Variants in LANCL2 observed in about 807,000 individuals in gnomAD.
The protein encoded by LANCL2 is lanC-like protein 2.
A neutral mutation model predicts 56.9 loss-of-function variants in LANCL2; 33 were observed. The observed-to-expected ratio is 0.58, with a 90% CI of 0.44 to 0.78. The LOEUF is 0.78. Among genes scored for constraint, LANCL2 ranks in the 30% least tolerant of loss-of-function variants. LANCL2 has a pLI of 0.00. For missense variants in LANCL2, 562 were observed against 580.2 expected (o/e 0.97, Z 0.32); for synonymous variants, 233 against 228.2 (o/e 1.02, Z -0.19).
intron 2 of LANCL2, among the ~76,000 whole-genome samples, chr7:55,395,407 A>G (rs1447763239): frequency 2.6e-5 from 4 of 152,170 alleles, no homozygotes; most frequent in African/African-American, 9.6e-5. Context: ...AGACAGTAAG[A>G]GCATGTGAAA....
In LANCL2 at chr7:55,386,192, G is replaced by A. The variant is rs140607085; in HGVS notation, c.205-5601G>A. 5.8e-3 allele frequency among the ~76,000 whole-genome samples: 877 copies of A among 152,098 alleles called. 5 individuals are homozygous for A. Among genetic ancestry groups the A allele is most frequent in the African/African-American group, 0.018 (763 of 41,476 alleles). On this transcript the variant is annotated intron_variant, in intron 1 of 8. Coordinates refer to ENST00000254770, the MANE Select transcript of LANCL2 (RefSeq NM_018697.4). ...TCCTGAGATGATATACATCCTTCTC[G>A]GCTGACAGGATTAAGAGATTAAAGC...
In LANCL2 at chr7:55,432,608, C is replaced by G. The variant is rs1359650612; in HGVS notation, c.*1288C>G. The G allele has an allele frequency of 1.4e-4, 22 of 152,298 alleles. No homozygotes were observed. In the East Asian group the frequency reaches 4.3e-3, roughly 29 times the overall value. The allele number at this position is 152,298 out of a possible 1,614,324, so 9.4% of individuals were successfully genotyped here. On this transcript the variant is annotated 3_prime_UTR_variant, in exon 9 of 9. Coordinates refer to ENST00000254770, the MANE Select transcript of LANCL2 (RefSeq NM_018697.4). ...AGACAAGAGGCCTCTCTTAACAGCC[C>G]AGTCCTTGTCTGCAGGGGGAGGCCT...
intron 5 of LANCL2, among the ~76,000 whole-genome samples, chr7:55,410,155 C>T (rs900517678): frequency 6.6e-6 from 1 of 152,204 alleles, no homozygotes; most frequent in Non-Finnish European, 1.5e-5. Context: ...AAAAGGAACT[C>T]AGTTGTGTCC....
chr7:55,424,451 T>C (rs1444481322), intron 6 of LANCL2, among the ~76,000 whole-genome samples: 1 of 152,196 alleles, frequency 6.6e-6, no homozygotes, highest in Non-Finnish European at 1.5e-5. Context: ...TGATGTGTAC[T>C]GATCAGTGTA....
At chr7:55,385,962 T>A (rs940977996) in intron 1 of LANCL2, among the ~76,000 whole-genome samples, 7 of 152,220 alleles carry the variant, frequency 4.6e-5, no homozygotes, top group African/African-American at 1.7e-4. Flanking sequence ...GAAAAAGAAT[T>A]CAGCGATATT....
chr7:55,417,633 G>A (rs924268751), intron 6 of LANCL2, among the ~76,000 whole-genome samples: 5 of 152,158 alleles, frequency 3.3e-5, no homozygotes, highest in African/African-American at 9.7e-5. Flanking sequence ...GGAGTTATGA[G>A]TCAGAGTGCA....
At chr7:55,403,664 C>T (rs1790370935) in intron 5 of LANCL2, among the ~76,000 whole-genome samples, 1 of 147,016 alleles carries the variant, frequency 6.8e-6, no homozygotes, top group Non-Finnish European at 1.5e-5. Flanking sequence ...CTCCACCTCC[C>T]AGGTTCCGGT....
rs1339350351 is a variant in LANCL2, at chr7:55,404,518, G to A, written c.825+3198G>A. On this transcript the variant is annotated intron_variant, in intron 5 of 8. Coordinates refer to ENST00000254770, the MANE Select transcript of LANCL2 (RefSeq NM_018697.4). ...AAACCAGGAAATTCATACCTACACAGGATTAAAACTTTTTCTAGTTATTGT... is the reference window on the plus strand; with the variant it reads ...AAACCAGGAAATTCATACCTACACAAGATTAAAACTTTTTCTAGTTATTGT... Among the ~76,000 whole-genome samples, 8 of 152,176 alleles carry A rather than the reference G, an allele frequency of 5.3e-5. No homozygotes were observed. In the South Asian group the frequency reaches 1.5e-3, roughly 28 times the overall value.
intron 1 of LANCL2, among the ~76,000 whole-genome samples, chr7:55,384,238 A>G (rs938698737): frequency 2.6e-5 from 4 of 152,240 alleles, no homozygotes; most frequent in African/African-American, 4.8e-5. Flanking sequence ...AGAATTTTGC[A>G]CATTGAATGA....
intron 5 of LANCL2, among the ~76,000 whole-genome samples, chr7:55,402,147 C>G (rs62457869): frequency 7.2e-6 from 1 of 139,170 alleles, no homozygotes; most frequent in South Asian, 2.4e-4. Context: ...ACCTCCCGGA[C>G]GGGGCGGCTG....
In LANCL2 at chr7:55,365,667, C is replaced by T. The variant is rs1295371706; in HGVS notation, c.-359C>T. Reference sequence around the variant, plus strand: ...GATCCCCACCCCGGGACTCCAGCCCCGGCCGTGCGCGTCGCCGCGGACGGG... The same window carrying T: ...GATCCCCACCCCGGGACTCCAGCCCTGGCCGTGCGCGTCGCCGCGGACGGG... On this transcript the variant is annotated 5_prime_UTR_variant, in exon 1 of 9. Coordinates refer to ENST00000254770, the MANE Select transcript of LANCL2 (RefSeq NM_018697.4). 1.6e-5 allele frequency: 3 copies of T among 188,022 alleles called. No homozygotes were observed. The highest frequency in any genetic ancestry group is 2.2e-5 in the Non-Finnish European group (2 of 91,826). 11.6% of individuals were successfully genotyped at this position (188,022 alleles called of 1,614,324 possible). A position where few individuals can be genotyped will look rare whatever the true frequency, so the allele number is the denominator to read the frequency against.
chr7:55,414,817 T>TA (rs772445704), intron 6 of LANCL2, among the ~76,000 whole-genome samples: 21 of 148,952 alleles, frequency 1.4e-4, no homozygotes, highest in Admixed American at 3.4e-4. Flanking sequence ...ATGTCTCTAC[T>TA]AAAAAAAAAT....
At chr7:55,404,321 C>T (rs1340324697) in intron 5 of LANCL2, among the ~76,000 whole-genome samples, 1 of 152,100 alleles carries the variant, frequency 6.6e-6, no homozygotes, top group Non-Finnish European at 1.5e-5. Flanking sequence ...CTTTCTTCTT[C>T]TTTTAAATTT....
chr7:55,384,604 C>G (rs1037761394), intron 1 of LANCL2, among the ~76,000 whole-genome samples: 2 of 151,822 alleles, frequency 1.3e-5, no homozygotes, highest in Non-Finnish European at 2.9e-5. Context: ...GAATGCCCCT[C>G]AAAACACCAA....
At chr7:55,377,678 A>G (rs1191949273) in intron 1 of LANCL2, among the ~76,000 whole-genome samples, 2 of 152,182 alleles carry the variant, frequency 1.3e-5, no homozygotes, top group Non-Finnish European at 2.9e-5. Flanking sequence ...ATCTACTCCA[A>G]TATATTTCTG....
chr7:55,398,646 G>A lies in LANCL2; in HGVS notation c.530+16G>A. ...GTGTCACAAAGTGAGTTTTAGAACT[G>A]GAAACATTTTCTCCCAATTCCCAGT... On this transcript the variant is annotated intron_variant, in intron 3 of 8. Coordinates refer to ENST00000254770, the MANE Select transcript of LANCL2 (RefSeq NM_018697.4). 1.3e-6 allele frequency: 2 copies of A among 1,592,808 alleles called. No homozygotes were observed. Among genetic ancestry groups the A allele is most frequent in the South Asian group, 2.2e-5 (2 of 90,590 alleles).
intron 6 of LANCL2, among the ~76,000 whole-genome samples, chr7:55,417,205 T>C (rs1790553798): frequency 6.6e-6 from 1 of 151,918 alleles, no homozygotes; most frequent in South Asian, 2.1e-4. Flanking sequence ...GGTCTCTATC[T>C]CCTAACCTCA....
intron 1 of LANCL2, among the ~76,000 whole-genome samples, chr7:55,373,578 G>T (rs1229870766): frequency 1.3e-5 from 2 of 152,112 alleles, no homozygotes; most frequent in Non-Finnish European, 2.9e-5. Context: ...GGGATTACAG[G>T]TGCAAGCCAT....
rs761465458 is a variant in LANCL2 at position 55,425,445 on chromosome 7, G to A, written c.1185+15G>A. ...GAGCTTGCAAGGTGAGGGTGGCTCT[G>A]TTGGAACTGCTTCTGAACAACCCCG... On this transcript the variant is annotated intron_variant, in intron 7 of 8. Coordinates refer to ENST00000254770, the MANE Select transcript of LANCL2 (RefSeq NM_018697.4). 4 of 1,612,732 alleles carry A rather than the reference G, an allele frequency of 2.5e-6. No homozygotes were observed. The South Asian group carries it at 4.4e-5, about 18-fold the overall frequency.
Sources: gnomAD v4.1 joint callset for allele counts (sites outside exome capture counted in the v4.1 genomes callset) on GRCh38, gnomAD v4.1.1 for gene constraint, MANE v1.5 for transcripts, NCBI Gene and HGNC (gene_info 2026-07-23, HGNC 2026-07-21) for gene names.